QTRT2: variants seen among roughly 807,000 people sequenced by gnomAD.
QTRT2 encodes queuine tRNA-ribosyltransferase accessory subunit 2.
QTRT2 carries 32 observed loss-of-function variants against 44.8 expected under a neutral mutation model. The ratio of observed to expected loss-of-function variants is 0.71; its 90% CI spans 0.54 to 0.96. The LOEUF is 0.96. Ranked by LOEUF, QTRT2 falls within the 40% of genes least tolerant of loss-of-function variation. The probability of loss-of-function intolerance (pLI) is 0.00; values close to 1 mark genes in which losing one functional copy is unlikely to be tolerated. For missense variants in QTRT2, 461 were observed against 503.1 expected, an observed-to-expected ratio of 0.92 and a Z score of 0.80; for synonymous variants, 182 against 187.4, an observed-to-expected ratio of 0.97 and a Z score of 0.24.
intron 2 of QTRT2, among the ~76,000 whole-genome samples, chr3:114,063,681 C>T (rs1294472097): frequency 6.6e-6 from 1 of 151,900 alleles, no homozygotes; most frequent in Non-Finnish European, 1.5e-5. Flanking sequence ...AGCATAAAAT[C>T]TCTTCTTAGA....
chr3:114,073,838 T>C (rs2077055467), intron 6 of QTRT2, among the ~76,000 whole-genome samples: 1 of 152,172 alleles, frequency 6.6e-6, no homozygotes, highest in Non-Finnish European at 1.5e-5. Flanking sequence ...TCCCGAATAG[T>C]CATGCTAGTC....
At chr3:114,074,156 C>T (rs2077059730) in intron 6 of QTRT2, among the ~76,000 whole-genome samples, 1 of 152,154 alleles carries the variant, frequency 6.6e-6, no homozygotes, top group African/African-American at 2.4e-5. Flanking sequence ...CTAGCCTGGG[C>T]AATCATGTTT....
rs532963264 is a variant in QTRT2, at chr3:114,066,239, A to G, written c.212A>G (p.His71Arg). The G allele has an allele frequency of 1.0e-5, 16 of 1,605,284 alleles. No individual in the cohort carries two copies. The South Asian group carries it at 1.1e-4, about 11-fold the overall frequency. ...TGTTTTGCTTACAGAGCAGAACATC[A>G]TGAAGTCTTGACAGAATATAAAGAA... Reference protein sequence around the residue: ...QLTLSSLAEHHEVLTEYKEGV... With the variant: ...QLTLSSLAEHREVLTEYKEGV... The change falls in exon 4 of 10, where the codon CAT becomes CGT. Residue 71 changes from histidine to arginine, a missense_variant. Physicochemically the swap from His to Arg is conservative, Grantham distance 29 (BLOSUM62 0). Transcript: ENST00000281273.
At chr3:114,065,126 A>G in intron 2 of QTRT2, 111 bp from the exon 3 acceptor site, 1 of 685,616 alleles carries the variant, frequency 1.5e-6, no homozygotes, top group Admixed American at 2.5e-5. Context: ...GACTGGAAGC[A>G]GTAATAAGCA....
chr3:114,059,691 T>C (rs569427238), intron 2 of QTRT2, among the ~76,000 whole-genome samples: 1 of 152,336 alleles, frequency 6.6e-6, no homozygotes, highest in South Asian at 2.1e-4. Context: ...ATATTTGCAT[T>C]CATCCCCACA....
chr3:114,065,825 A>G (rs2076946442), intron 3 of QTRT2, among the ~76,000 whole-genome samples: 1 of 152,176 alleles, frequency 6.6e-6, no homozygotes. Flanking sequence ...TGCTAATACT[A>G]CTTTATGGAA....
In QTRT2 at chr3:114,087,424, G is replaced by C. The variant is rs1167742952; in HGVS notation, c.*1520G>C. 1 of 152,138 alleles carries C rather than the reference G, an allele frequency of 6.6e-6. No homozygotes were observed. Among genetic ancestry groups the C allele is most frequent in the South Asian group, 2.1e-4 (1 of 4,820 alleles). 9.4% of individuals were successfully genotyped at this position (152,138 alleles called of 1,614,324 possible). Reference sequence around the variant, plus strand: ...GACGGAGCCTTGCTCTGTCGCCCAGGCTGGAGTGCAGTGGCGCGATCTCGG... The same window carrying C: ...GACGGAGCCTTGCTCTGTCGCCCAGCCTGGAGTGCAGTGGCGCGATCTCGG... On this transcript the variant is annotated 3_prime_UTR_variant, in exon 10 of 10. Transcript: ENST00000281273.
intron 6 of QTRT2, among the ~76,000 whole-genome samples, chr3:114,072,300 G>A (rs1308059166): frequency 1.3e-5 from 2 of 152,052 alleles, no homozygotes; most frequent in African/African-American, 4.8e-5. Context: ...TTACAGGCAT[G>A]CGCCACCGTG....
chr3:114,075,058 G>A (rs2077071318), intron 6 of QTRT2, among the ~76,000 whole-genome samples: 1 of 152,186 alleles, frequency 6.6e-6, no homozygotes, highest in South Asian at 2.1e-4. Flanking sequence ...ATTGTTAGAA[G>A]TGGAATTTTA....
rs1441713180 is a variant in QTRT2, at chr3:114,086,514, C to G, written c.*610C>G. The G allele has an allele frequency of 6.5e-6, 1 of 154,198 alleles. No individual in the cohort carries two copies. Among genetic ancestry groups the G allele is most frequent in the Admixed American group, 6.4e-5 (1 of 15,686 alleles). 9.6% of individuals were successfully genotyped at this position (154,198 alleles called of 1,614,324 possible). A position where few individuals can be genotyped will look rare whatever the true frequency, so the allele number is the denominator to read the frequency against. ...TGATGATCATCTGTCCCAGGTCACA[C>G]TCCTTCATTTGACCACATGGCCTAT... On this transcript the variant is annotated 3_prime_UTR_variant, in exon 10 of 10. Transcript: ENST00000281273.
At chr3:114,057,742 A>G (rs183145622) in intron 2 of QTRT2, among the ~76,000 whole-genome samples, 109 of 152,344 alleles carry the variant, frequency 7.2e-4, no homozygotes, top group African/African-American at 2.5e-3. Flanking sequence ...TGCATATATT[A>G]TAGTATAATA....
intron 9 of QTRT2, among the ~76,000 whole-genome samples, chr3:114,085,162 A>G (rs1352193014): frequency 6.6e-6 from 1 of 152,172 alleles, no homozygotes; most frequent in African/African-American, 2.4e-5. Flanking sequence ...TGCATCAGTC[A>G]GAGAAAAACT....
chr3:114,083,988 T>G (rs779191453), intron 9 of QTRT2, among the ~76,000 whole-genome samples: 22 of 152,166 alleles, frequency 1.4e-4, no homozygotes, highest in Non-Finnish European at 3.1e-4. Flanking sequence ...CTTAAGTTTT[T>G]GAGATTTGTA....
chr3:114,069,830 C>G (rs978161494), intron 5 of QTRT2, among the ~76,000 whole-genome samples: 1 of 152,084 alleles, frequency 6.6e-6, no homozygotes, highest in Non-Finnish European at 1.5e-5. Context: ...CTAATATATA[C>G]TCTCTTGAAC....
chr3:114,084,322 T>G (rs1450089748), intron 9 of QTRT2, among the ~76,000 whole-genome samples: 1 of 152,116 alleles, frequency 6.6e-6, no homozygotes, highest in African/African-American at 2.4e-5. Flanking sequence ...AATAGTTGAT[T>G]AAAGGTAACA....
intron 8 of QTRT2, among the ~76,000 whole-genome samples, chr3:114,081,689 T>G (rs1048489171): frequency 4.3e-4 from 66 of 152,230 alleles, no homozygotes; most frequent in African/African-American, 1.5e-3. Context: ...CCTCCTGCCT[T>G]AGCCTCCCAA....
Position 114,068,061 on chromosome 3 carries a change from A to C in QTRT2, c.331A>C (p.Lys111Gln). 2 of 1,613,538 alleles carry C rather than the reference A, an allele frequency of 1.2e-6. No homozygotes were observed. Among genetic ancestry groups the C allele is most frequent in the Non-Finnish European group, 1.7e-6 (2 of 1,179,576 alleles). Residue 111 changes from lysine (K) to glutamine (Q), a missense_variant and splice_region_variant, in exon 5 of 10, where the codon AAG becomes CAG. By Grantham distance (53) the Lys-to-Gln change is moderately conservative (BLOSUM62 1). Coordinates refer to ENST00000281273, the MANE Select transcript of QTRT2 (RefSeq NM_024638.4). ...CTGCCCGGCTGGTTATGTAACAAACAAGGTGTGTTTTCAGAAGGGTCTCCA... is the reference window on the plus strand; with the variant it reads ...CTGCCCGGCTGGTTATGTAACAAACCAGGTGTGTTTTCAGAAGGGTCTCCA... ...SPCPAGYVTN[K>Q]SVSVWSVAGR... is the part of the protein sequence containing the mutation.
chr3:114,078,248 C>T (rs892427154), intron 7 of QTRT2: 6 of 152,176 alleles, frequency 3.9e-5, no homozygotes, highest in Non-Finnish European at 8.8e-5. Flanking sequence ...ATTTTCTGGA[C>T]TTCTTCATGT....
At chr3:114,063,478 TA>T (rs1218693456) in intron 2 of QTRT2, among the ~76,000 whole-genome samples, 2 of 152,090 alleles carry the variant, frequency 1.3e-5, no homozygotes, top group East Asian at 1.9e-4. Context: ...ATAGGGTATG[TA>T]AAAAAATAGC....
Sources: gnomAD v4.1 joint callset for allele counts (sites outside exome capture counted in the v4.1 genomes callset) on GRCh38, gnomAD v4.1.1 for gene constraint, MANE v1.5 for transcripts, NCBI Gene and HGNC (gene_info 2026-07-23, HGNC 2026-07-21) for gene names.